Variants in UBE3C observed in about 807,000 individuals in gnomAD.
The protein encoded by UBE3C is ubiquitin protein ligase E3C.
A neutral mutation model predicts 129.4 loss-of-function variants in UBE3C; 42 were observed. The ratio of observed to expected loss-of-function variants is 0.32; its 90% CI spans 0.25 to 0.42. The LOEUF (loss-of-function observed/expected upper bound fraction) is 0.42, where lower values mean the gene tolerates loss of function less well. UBE3C is among the 10% of genes least tolerant of loss of function. The pLI, the probability that UBE3C is intolerant of heterozygous loss-of-function variation, is 1.00. For missense variants in UBE3C, 1,049 were observed against 1,319.1 expected (o/e 0.80, Z 3.17); for synonymous variants, 510 against 492.4 (o/e 1.04, Z -0.47).
At chr7:157,211,500 C>T (rs376722464) in intron 13 of UBE3C, among the ~76,000 whole-genome samples, 3 of 152,076 alleles carry the variant, frequency 2.0e-5, no homozygotes, top group African/African-American at 7.2e-5. Context: ...CAAAATACTC[C>T]AGTTTTTAAC....
At chr7:157,148,319 C>T (rs1807662084) in intron 1 of UBE3C, among the ~76,000 whole-genome samples, 1 of 152,044 alleles carries the variant, frequency 6.6e-6, no homozygotes, top group African/African-American at 2.4e-5. Context: ...TCCATACTGG[C>T]CTTGAACTCC....
intron 4 of UBE3C, among the ~76,000 whole-genome samples, chr7:157,174,610 G>A (rs1808465428): frequency 2.0e-5 from 3 of 151,894 alleles, no homozygotes; most frequent in Admixed American, 1.3e-4. Flanking sequence ...GTGCCACCAC[G>A]CTCGGCTAAT....
chr7:157,221,026 C>A, intron 15 of UBE3C: 1 of 412,652 alleles, frequency 2.4e-6, no homozygotes, highest in Non-Finnish European at 4.5e-6. Context: ...CAAAGGGAAC[C>A]ATGCTGTGTA....
intron 13 of UBE3C, among the ~76,000 whole-genome samples, chr7:157,216,255 A>G (rs746175265): frequency 6.6e-6 from 1 of 151,116 alleles, no homozygotes; most frequent in Non-Finnish European, 1.5e-5. Flanking sequence ...CAGAAAACTC[A>G]GAAATACTCT....
chr7:157,155,680 C>T (rs1807883747), intron 1 of UBE3C, among the ~76,000 whole-genome samples: 1 of 152,166 alleles, frequency 6.6e-6, no homozygotes, highest in Non-Finnish European at 1.5e-5. Flanking sequence ...CATTTTCCCC[C>T]CATTTGAAAT....
chr7:157,181,511 C>T lies in UBE3C; in HGVS notation c.617-7C>T. The T allele has an allele frequency of 1.9e-6, 3 of 1,551,414 alleles. No homozygotes were observed. The highest frequency in any genetic ancestry group is 2.4e-5 in the East Asian group (1 of 42,350). On this transcript the variant is annotated splice_region_variant and splice_polypyrimidine_tract_variant and intron_variant, in intron 6 of 22. Coordinates refer to ENST00000348165, the MANE Select transcript of UBE3C (RefSeq NM_014671.3). ...ACTAAATTTTAAATATGTGTTTTTC[C>T]TTTTAGGGTATTATAGGTCTCTATA...
At chr7:157,188,429 CTG>C (rs1018115635) in intron 10 of UBE3C, among the ~76,000 whole-genome samples, 1 of 152,222 alleles carries the variant, frequency 6.6e-6, no homozygotes, top group African/African-American at 2.4e-5. Context: ...GTCAGTGAAA[CTG>C]TGGCTCCTAG....
intron 14 of UBE3C, among the ~76,000 whole-genome samples, chr7:157,217,549 T>C (rs942975253): frequency 6.6e-6 from 1 of 152,160 alleles, no homozygotes; most frequent in Admixed American, 6.5e-5. Context: ...AGTAAAAAAT[T>C]TAAGTGGCCA....
rs1797134556 is a variant in UBE3C at position 157,268,353 on chromosome 7, G to A, written c.*598G>A. On this transcript the variant is annotated 3_prime_UTR_variant, in exon 23 of 23. Transcript: ENST00000348165. ...TTCCCCAAATGGGACTAGCATGCTT[G>A]TTTTCAGTATACCGTGGCCTGCCTC... is the stretch of plus-strand genomic sequence containing the variant. 6.6e-6 allele frequency: 1 copy of A among 152,658 alleles called. No individual in the cohort carries two copies. Among genetic ancestry groups the A allele is most frequent in the Non-Finnish European group, 1.5e-5 (1 of 68,062 alleles). The allele number at this position is 152,658 out of a possible 1,614,324, so 9.5% of individuals were successfully genotyped here.
chr7:157,262,409 C>CTTTTTTTTTTTTTTTTTT (rs371300314), intron 22 of UBE3C, among the ~76,000 whole-genome samples: 3 of 54,040 alleles, frequency 5.6e-5, no homozygotes, highest in African/African-American at 1.5e-4. Flanking sequence ...TCTTCATAGG[C>CTTTTTTTTTTTTTTTTTT]TTTTTTTTTT....
At chr7:157,247,904 A>G (rs1796522056) in intron 18 of UBE3C, among the ~76,000 whole-genome samples, 1 of 151,902 alleles carries the variant, frequency 6.6e-6, no homozygotes, top group Non-Finnish European at 1.5e-5. Flanking sequence ...TTGTTTGGAA[A>G]TAGGGTCCAA....
chr7:157,194,185 G>A lies in UBE3C; in HGVS notation c.1331+7164G>A, dbSNP rs369155279. Among the ~76,000 whole-genome samples, 3 of 152,198 alleles carry A rather than the reference G, an allele frequency of 2.0e-5. No homozygotes were observed. The South Asian group carries it at 6.2e-4, about 32-fold the overall frequency. On this transcript the variant is annotated intron_variant, in intron 10 of 22. Transcript: ENST00000348165. ...TGGTAATCTTTTTGAAATGGGGCTG[G>A]CTGTTATACATTATACAGGTTGTTT... is the stretch of plus-strand genomic sequence containing the variant.
At chr7:157,217,696 G>C in intron 14 of UBE3C, among the ~76,000 whole-genome samples, 2 of 152,252 alleles carry the variant, frequency 1.3e-5, no homozygotes, top group Middle Eastern at 6.8e-3. Context: ...AATCAGCCGG[G>C]CGTGGTGGCA....
At chr7:157,195,201 A>G (rs1809083845) in intron 10 of UBE3C, among the ~76,000 whole-genome samples, 1 of 152,178 alleles carries the variant, frequency 6.6e-6, no homozygotes, top group Non-Finnish European at 1.5e-5. Context: ...AAAATTAGAG[A>G]CGGGATTTTC....
chr7:157,206,541 C>T (rs1337430121), intron 11 of UBE3C, among the ~76,000 whole-genome samples: 2 of 151,852 alleles, frequency 1.3e-5, no homozygotes, highest in Non-Finnish European at 2.9e-5. Flanking sequence ...GGATTACAGG[C>T]GTGAGCCACC....
At chr7:157,165,307 C>G (rs1808183105) in intron 2 of UBE3C, among the ~76,000 whole-genome samples, 1 of 151,608 alleles carries the variant, frequency 6.6e-6, no homozygotes, top group Admixed American at 6.6e-5. Context: ...GTGCTTTTCT[C>G]TGTGTTTATC....
At chr7:157,169,949 G>T (rs1024876097) in intron 3 of UBE3C, among the ~76,000 whole-genome samples, 3 of 152,046 alleles carry the variant, frequency 2.0e-5, no homozygotes, top group Admixed American at 1.3e-4. Context: ...CTCTCAAAGT[G>T]CTGGGATTAC....
In UBE3C at chr7:157,183,953, C is replaced by T; in HGVS notation, c.1067C>T (p.Pro356Leu). ...QTFLSQLPVS[P>L]ASASCHDSAS... Reference sequence around the variant, plus strand: ...TTCCTCTCTCAGTTACCAGTCTCTCCTGCCAGCGCGAGCTGTCACGACTCA... The same window carrying T: ...TTCCTCTCTCAGTTACCAGTCTCTCTTGCCAGCGCGAGCTGTCACGACTCA... Residue 356 changes from proline (P) to leucine (L), a missense_variant, in exon 9 of 23, where the codon CCT becomes CTT. Physicochemically the swap from Pro to Leu is moderately conservative, Grantham distance 98 (BLOSUM62 -3). Transcript: ENST00000348165. 2 of 1,614,200 alleles carry T rather than the reference C, an allele frequency of 1.2e-6. No homozygotes were observed. Among genetic ancestry groups the T allele is most frequent in the Non-Finnish European group, 1.7e-6 (2 of 1,180,040 alleles).
At position 157,183,521 on chromosome 7, in the gene UBE3C, T is replaced by C. The variant is rs1283469342; in HGVS notation, c.992-357T>C. On this transcript the variant is annotated intron_variant, in intron 8 of 22. Transcript: ENST00000348165. ...CCTCCCACAGACAGCCCCTTGGAAG[T>C]TGGTGCGTGGGGCTGAAAGTTCCAA... is the stretch of plus-strand genomic sequence containing the variant. 2.6e-5 allele frequency among the ~76,000 whole-genome samples: 4 copies of C among 152,114 alleles called. No individual in the cohort carries two copies. In the South Asian group the frequency reaches 8.3e-4, roughly 32 times the overall value.
Sources: gnomAD v4.1 joint callset for allele counts (sites outside exome capture counted in the v4.1 genomes callset) on GRCh38, gnomAD v4.1.1 for gene constraint, MANE v1.5 for transcripts, NCBI Gene and HGNC (gene_info 2026-07-23, HGNC 2026-07-21) for gene names.